Variants in ARHGAP39 observed in about 807,000 individuals in gnomAD.
ARHGAP39 encodes rho GTPase-activating protein 39.
Under a neutral mutation model 106.9 loss-of-function variants are expected in ARHGAP39, and 44 were observed. The observed-to-expected ratio is 0.41, with a 90% CI of 0.32 to 0.53. The LOEUF (loss-of-function observed/expected upper bound fraction) is 0.53. ARHGAP39 is among the 20% of genes least tolerant of loss of function. ARHGAP39 has a pLI of 0.21. For synonymous variants in ARHGAP39, 768 were observed against 693.2 expected (o/e 1.11, Z -1.69); for missense variants, 1,496 against 1,577.3 (o/e 0.95, Z 0.87).
At chr8:144,549,062 C>T (rs1817596286) in intron 4 of ARHGAP39, among the ~76,000 whole-genome samples, 2 of 152,250 alleles carry the variant, frequency 1.3e-5, no homozygotes, top group Admixed American at 1.3e-4. Flanking sequence ...CGCACCTGGC[C>T]AAGGGCACCA....
Position 144,548,309 on chromosome 8 carries a change from C to A in ARHGAP39, c.777G>T (p.Pro259=). 1.2e-6 allele frequency: 2 copies of A among 1,608,514 alleles called. No individual in the cohort carries two copies. Among genetic ancestry groups the A allele is most frequent in the Non-Finnish European group, 1.7e-6 (2 of 1,177,154 alleles). Residue 259 remains proline, a synonymous_variant, in exon 5 of 12, where the codon CCG becomes CCT. Coordinates refer to ENST00000377307, the MANE Select transcript of ARHGAP39 (RefSeq NM_025251.3). The surrounding 1 kb of genome is among the most constrained non-coding windows in gnomAD (Gnocchi z 7.4). ...QHSPSLQTFA[P]EADGTIFFPE... is the part of the protein sequence containing the mutation. ...GGAAGAAGATGGTGCCGTCAGCCTC[C>A]GGGGCGAAGGTCTGCAGGCTGGGTG...
In ARHGAP39 at chr8:144,548,047, G is replaced by C. The variant is rs567062685; in HGVS notation, c.1039C>G (p.Arg347Gly). 4.4e-6 allele frequency: 7 copies of C among 1,599,700 alleles called. No individual in the cohort carries two copies. The change falls in exon 5 of 12, where the codon CGG becomes GGG. Residue 347 changes from arginine to glycine, a missense_variant. Around this residue, in one of 4 missense-constraint regions of ARHGAP39, gnomAD observed 905 missense variants for 816.4 expected, o/e 1.11. Transcript: ENST00000377307. The surrounding 1 kb of genome is among the most constrained non-coding windows in gnomAD (Gnocchi z 7.4). ...GGGYQAGSPQ[R>G]SPGRKPRPFL... is the part of the protein sequence containing the mutation. ...GGCCGGGGCTTACGGCCCGGCGACCGCTGGGGAGAGCCGGCCTGGTAGCCC... is the reference window on the plus strand; with the variant it reads ...GGCCGGGGCTTACGGCCCGGCGACCCCTGGGGAGAGCCGGCCTGGTAGCCC...
Position 144,547,119 on chromosome 8 carries a change from G to A in ARHGAP39, c.1959+8C>T, listed in dbSNP as rs749711755. The stretch of plus-strand genomic sequence containing the variant: ...TCTCAAGCTCAGCCGCGCCCATTGG[G>A]CCCTCACCTGTGAGGGGTGGAGGTA... On this transcript the variant is annotated splice_region_variant and intron_variant, in intron 5 of 11. Coordinates refer to ENST00000377307, the MANE Select transcript of ARHGAP39 (RefSeq NM_025251.3). This position sits in a 1 kb window ranked among gnomAD's most constrained non-coding sequence, Gnocchi z 5.2. 4 of 1,577,302 alleles carry A rather than the reference G, an allele frequency of 2.5e-6. No homozygotes were observed. The highest frequency in any genetic ancestry group is 3.4e-6 in the Non-Finnish European group (4 of 1,161,318).
At chr8:144,619,932 CTG>C (rs1586619721) in intron 1 of ARHGAP39, among the ~76,000 whole-genome samples, 1 of 118,900 alleles carries the variant, frequency 8.4e-6, no homozygotes, top group Non-Finnish European at 1.8e-5. Flanking sequence ...GCGTGTGAGC[CTG>C]TGTCCCTGAG....
At chr8:144,616,626 G>A (rs1820643992) in intron 1 of ARHGAP39, among the ~76,000 whole-genome samples, 1 of 152,192 alleles carries the variant, frequency 6.6e-6, no homozygotes, top group Admixed American at 6.5e-5. Context: ...GGCCGCCCTA[G>A]GCAGCAGCCA....
upstream of ARHGAP39, among the ~76,000 whole-genome samples, chr8:144,686,959 G>A (rs188795738): frequency 3.6e-4 from 26 of 71,338 alleles, 1 homozygote; most frequent in African/African-American, 1.2e-3. Context: ...ACCACGCACT[G>A]GCGGCGAGCA....
chr8:144,624,363 A>AAG lies in ARHGAP39; in HGVS notation c.-81-18669_-81-18668insCT, dbSNP rs1820886576. Among the ~76,000 whole-genome samples the AAG allele has an allele frequency of 2.6e-5, 4 of 152,332 alleles. No individual in the cohort carries two copies. In the South Asian group the frequency reaches 8.3e-4, roughly 32 times the overall value. On this transcript the variant is annotated intron_variant, in intron 1 of 11. Transcript: ENST00000377307. ...AAATAATTTTATATGAATAAAGAGG[A>AAG]AAGAGGAAGCATGAAATCCACAACT...
intron 6 of ARHGAP39, among the ~76,000 whole-genome samples, chr8:144,543,233 A>G (rs1210690122): frequency 6.6e-6 from 1 of 152,110 alleles, no homozygotes; most frequent in Non-Finnish European, 1.5e-5. Flanking sequence ...GCCTTGGCCC[A>G]GAGTGCTGGG....
rs1162424053 is a variant in ARHGAP39, at chr8:144,590,127, G to A, written c.81-8850C>T. Among the ~76,000 whole-genome samples the A allele has an allele frequency of 3.3e-5, 5 of 152,254 alleles. No homozygotes were observed. The East Asian group carries it at 9.6e-4, about 29-fold the overall frequency. ...CACATGGCACGTGGGACAGAGGCCA[G>A]AGAAGCCTTCCCGACAGGGCCTGAC... is the stretch of plus-strand genomic sequence containing the variant. On this transcript the variant is annotated intron_variant, in intron 2 of 11. Transcript: ENST00000377307.
intron 6 of ARHGAP39, among the ~76,000 whole-genome samples, chr8:144,541,272 G>A (rs753556197): frequency 3.9e-5 from 6 of 152,138 alleles, no homozygotes; most frequent in Non-Finnish European, 7.3e-5. Flanking sequence ...CAGCTTTTCC[G>A]TTTCCCACCA....
In ARHGAP39 at chr8:144,604,503, G is replaced by A. The variant is rs949213862; in HGVS notation, c.80+1032C>T. Among the ~76,000 whole-genome samples, 3 of 152,056 alleles carry A rather than the reference G, an allele frequency of 2.0e-5. No individual in the cohort carries two copies. Among genetic ancestry groups the A allele is most frequent in the Admixed American group, 6.6e-5 (1 of 15,262 alleles). The stretch of plus-strand genomic sequence containing the variant: ...AGGGATCTCCTCACCTCAGCCTCCC[G>A]AGTAGCTGAGACCATAGGCATCTGC... On this transcript the variant is annotated intron_variant, in intron 2 of 11. Transcript: ENST00000377307. The surrounding 1 kb of genome is among the most constrained non-coding windows in gnomAD (Gnocchi z 4.1).
In ARHGAP39 at chr8:144,679,733, C is replaced by A. The variant is rs1822341265; in HGVS notation, c.-82+5953G>T. Among the ~76,000 whole-genome samples, 1 of 152,214 alleles carries A rather than the reference C, an allele frequency of 6.6e-6. No individual in the cohort carries two copies. Among genetic ancestry groups the A allele is most frequent in the South Asian group, 2.1e-4 (1 of 4,832 alleles). ...CAGTGTCTCACGCCTGTAATCCCAG[C>A]ACTTTGGGAGGCCAAGGCGGGCGGA... On this transcript the variant is annotated intron_variant, in intron 1 of 11. Transcript: ENST00000377307. The surrounding 1 kb of genome is among the most constrained non-coding windows in gnomAD (Gnocchi z 4.7).
intron 1 of ARHGAP39, among the ~76,000 whole-genome samples, chr8:144,678,226 T>C (rs1822293868): frequency 1.3e-5 from 2 of 150,908 alleles, no homozygotes; most frequent in South Asian, 4.2e-4. Flanking sequence ...GCTGTGATCA[T>C]ACCACTGCAC....
intron 2 of ARHGAP39, among the ~76,000 whole-genome samples, chr8:144,589,940 A>T (rs949437322): frequency 5.9e-5 from 9 of 152,160 alleles, no homozygotes; most frequent in Admixed American, 5.2e-4. Flanking sequence ...CCCCGCCCAC[A>T]AGAGGGAACA....
At position 144,684,242 on chromosome 8, in the gene ARHGAP39, C is replaced by T. The variant is rs553943976; in HGVS notation, c.-82+1444G>A. 7.2e-5 allele frequency among the ~76,000 whole-genome samples: 11 copies of T among 152,264 alleles called. No individual in the cohort carries two copies. The highest frequency in any genetic ancestry group is 1.3e-4 in the Non-Finnish European group (9 of 68,024). On this transcript the variant is annotated intron_variant, in intron 1 of 11. Coordinates refer to ENST00000377307, the MANE Select transcript of ARHGAP39 (RefSeq NM_025251.3). The surrounding 1 kb of genome is among the most constrained non-coding windows in gnomAD (Gnocchi z 4.4). ...ATGGCTACAGAGCCTGCGCCCAGGG[C>T]GGTTTATGGAATGAGTCTCCTCGAT...
chr8:144,595,360 C>T (rs902650239), intron 2 of ARHGAP39, among the ~76,000 whole-genome samples: 3 of 152,166 alleles, frequency 2.0e-5, no homozygotes, highest in African/African-American at 2.4e-5. Context: ...GTACTTCAAT[C>T]GTCTGGAGCA....
intron 1 of ARHGAP39, among the ~76,000 whole-genome samples, chr8:144,677,840 C>T (rs944365364): frequency 6.6e-6 from 1 of 152,068 alleles, no homozygotes. Context: ...TTTTGAACCA[C>T]GTATATTATC....
chr8:144,596,286 C>T (rs1275696507), intron 2 of ARHGAP39, among the ~76,000 whole-genome samples: 2 of 149,306 alleles, frequency 1.3e-5, no homozygotes, highest in Non-Finnish European at 3.0e-5. Context: ...CTCGCCACCC[C>T]GGCACTCTCC....
intron 6 of ARHGAP39, among the ~76,000 whole-genome samples, chr8:144,544,276 T>A (rs1295667052): frequency 6.6e-6 from 1 of 152,232 alleles, no homozygotes; most frequent in Non-Finnish European, 1.5e-5. Context: ...CCCACTGCCC[T>A]GTGGCCTCCA....
Sources: allele counts gnomAD v4.1 joint callset (sites outside exome capture counted in the v4.1 genomes callset), GRCh38; gene constraint gnomAD v4.1.1; regional missense constraint gnomAD v4.1.1; non-coding constraint Gnocchi (gnomAD v3.1); transcripts MANE v1.5; gene names NCBI Gene and HGNC (gene_info 2026-07-23, HGNC 2026-07-21).